Variants in REEP5 observed in about 807,000 individuals in gnomAD.
The protein encoded by REEP5 is receptor accessory protein 5.
A neutral mutation model predicts 22.4 loss-of-function variants in REEP5; 24 were observed. The ratio of observed to expected loss-of-function variants is 1.07; its 90% CI spans 0.78 to 1.51. The LOEUF (loss-of-function observed/expected upper bound fraction) is 1.51. Ranked by LOEUF, REEP5 falls within the 40% of genes most tolerant of loss-of-function variation. REEP5 has a pLI of 0.00. For missense variants in REEP5, 252 were observed against 233.0 expected (o/e 1.08, Z -0.53); for synonymous variants, 103 against 88.6 (o/e 1.16, Z -0.92).
Position 112,878,539 on chromosome 5 carries a change from T to G in REEP5, c.*247A>C. On this transcript the variant is annotated 3_prime_UTR_variant, in exon 5 of 5. Transcript: ENST00000379638. ...CTGCAGGATAGCAACATACATCTTT[T>G]CCTACCCAGAGGCAAAATACATTTT... The G allele has an allele frequency of 2.0e-6, 1 of 499,852 alleles. No homozygotes were observed. Among genetic ancestry groups the G allele is most frequent in the Non-Finnish European group, 3.5e-6 (1 of 286,430 alleles). The allele number at this position is 499,852 out of a possible 1,614,324, so 31.0% of individuals were successfully genotyped here. A position where few individuals can be genotyped will look rare whatever the true frequency, so the allele number is the denominator to read the frequency against.
intron 3 of REEP5, chr5:112,898,057 C>CCAAAAAA (rs1377222332): frequency 6.6e-6 from 1 of 151,934 alleles, no homozygotes; most frequent in Non-Finnish European, 1.5e-5. Flanking sequence ...ACACTCTGTC[C>CCAAAAAA]CAAAAAACAA....
intron 2 of REEP5, among the ~76,000 whole-genome samples, chr5:112,913,813 T>C (rs971214137): frequency 6.6e-6 from 1 of 152,314 alleles, no homozygotes; most frequent in Admixed American, 6.5e-5. Context: ...CTTCAGTTTG[T>C]GGCCTTGATT....
At chr5:112,914,254 G>A (rs1769183166) in intron 2 of REEP5, among the ~76,000 whole-genome samples, 2 of 151,158 alleles carry the variant, frequency 1.3e-5, no homozygotes, top group African/African-American at 4.9e-5. Flanking sequence ...TCCCAAGTGT[G>A]TGTGTGTTTT....
chr5:112,904,417 T>C (rs553594447), intron 2 of REEP5, among the ~76,000 whole-genome samples: 1 of 152,358 alleles, frequency 6.6e-6, no homozygotes, highest in Non-Finnish European at 1.5e-5. Context: ...ATTTGTTTCC[T>C]GTACATTCAT....
At chr5:112,890,710 C>G (rs957356228) in intron 3 of REEP5, among the ~76,000 whole-genome samples, 19 of 150,594 alleles carry the variant, frequency 1.3e-4, no homozygotes, top group Middle Eastern at 3.4e-3. Flanking sequence ...ATACAGATCT[C>G]TCAACCCAAC....
chr5:112,901,962 C>T (rs1249582733), intron 3 of REEP5, among the ~76,000 whole-genome samples: 1 of 84,218 alleles, frequency 1.2e-5, no homozygotes, highest in Non-Finnish European at 2.3e-5. Context: ...GACTCCATCT[C>T]AAAAAAAGAA....
chr5:112,906,067 C>T (rs1269713146), intron 2 of REEP5, among the ~76,000 whole-genome samples: 2 of 152,178 alleles, frequency 1.3e-5, no homozygotes, highest in Non-Finnish European at 2.9e-5. Flanking sequence ...ATTTAGGCAA[C>T]ACAGAGGATT....
At chr5:112,892,793 G>C in intron 3 of REEP5, 1 of 1,613,970 alleles carries the variant, frequency 6.2e-7, no homozygotes, top group Non-Finnish European at 8.5e-7. Flanking sequence ...CAGCGGGGAA[G>C]GAGAAACCCT....
In REEP5 at chr5:112,902,479, G is replaced by A; in HGVS notation, c.252C>T (p.Thr84=). Reference sequence around the variant, plus strand: ...ACACTACCCAGTAGGTCAGCCACTGGGTATCATCTTCTTTGTTGGGACTCT... The same window carrying A: ...ACACTACCCAGTAGGTCAGCCACTGAGTATCATCTTCTTTGTTGGGACTCT... ...AIESPNKEDD[T]QWLTYWVVYG... The change falls in exon 3 of 5, where the codon ACC becomes ACT. Residue 84 remains threonine (T), a synonymous_variant. Coordinates refer to ENST00000379638, the MANE Select transcript of REEP5 (RefSeq NM_005669.5). The A allele has an allele frequency of 1.2e-6, 2 of 1,609,798 alleles. No homozygotes were observed. The highest frequency in any genetic ancestry group is 1.7e-6 in the Non-Finnish European group (2 of 1,178,666).
chr5:112,902,541 G>C (rs1768875501), intron 2 of REEP5, 23 bp from the exon 3 acceptor site: 1 of 1,549,064 alleles, frequency 6.5e-7, no homozygotes, highest in South Asian at 1.2e-5. Context: ...ACAAAAGAAA[G>C]TATATCATTT....
At chr5:112,921,049 C>A in intron 2 of REEP5, 114 bp downstream of exon 2, 1 of 1,023,756 alleles carries the variant, frequency 9.8e-7, no homozygotes, top group Non-Finnish European at 1.5e-6. Flanking sequence ...CCTCATCCCT[C>A]CCCGCCGAGC....
chr5:112,881,697 C>G (rs1768080261), intron 4 of REEP5, among the ~76,000 whole-genome samples: 3 of 152,152 alleles, frequency 2.0e-5, no homozygotes, highest in Non-Finnish European at 4.4e-5. Context: ...ATCCCTGACT[C>G]TTGGGCTACT....
intron 4 of REEP5, 44 bp from the exon 5 acceptor site, chr5:112,878,879 T>C (rs762756519): frequency 1.2e-6 from 2 of 1,613,434 alleles, no homozygotes; most frequent in Non-Finnish European, 1.7e-6. Flanking sequence ...TCAAAGCTCT[T>C]TCTTTGGAAT....
intron 2 of REEP5, among the ~76,000 whole-genome samples, chr5:112,904,636 C>A (rs1768916451): frequency 6.6e-6 from 1 of 152,136 alleles, no homozygotes; most frequent in Non-Finnish European, 1.5e-5. Context: ...TTGGCCACAA[C>A]CCTCGGTAAG....
chr5:112,906,584 T>C (rs1768960289), intron 2 of REEP5, among the ~76,000 whole-genome samples: 1 of 152,206 alleles, frequency 6.6e-6, no homozygotes, highest in African/African-American at 2.4e-5. Context: ...CCCTCCACTC[T>C]ACTCACCTGG....
In REEP5 at chr5:112,887,189, C is replaced by T. The variant is rs1768280882; in HGVS notation, c.352-6G>A. The T allele has an allele frequency of 1.3e-6, 2 of 1,576,216 alleles. No individual in the cohort carries two copies. The highest frequency in any genetic ancestry group is 1.7e-6 in the Non-Finnish European group (2 of 1,154,790). On this transcript the variant is annotated splice_polypyrimidine_tract_variant and splice_region_variant and intron_variant, in intron 3 of 4. Transcript: ENST00000379638. ...CACCACAACAGGAAGCCACACTGCA[C>T]AGAAAAAGAGCCAGCATGGGTAACA...
chr5:112,897,146 G>C (rs1768707208), intron 3 of REEP5: 1 of 151,970 alleles, frequency 6.6e-6, no homozygotes, highest in Non-Finnish European at 1.5e-5. Context: ...AAAAAAGCAA[G>C]ACACAGAATT....
intron 3 of REEP5, chr5:112,897,799 C>A (rs1460860371): frequency 6.6e-6 from 1 of 152,060 alleles, no homozygotes; most frequent in Non-Finnish European, 1.5e-5. Flanking sequence ...TGGCTCACAC[C>A]TGTAATCCCA....
At chr5:112,903,234 A>C (rs1768886984) in intron 2 of REEP5, among the ~76,000 whole-genome samples, 1 of 152,248 alleles carries the variant, frequency 6.6e-6, no homozygotes, top group African/African-American at 2.4e-5. Context: ...TCATTATTCT[A>C]AACCTGAAGC....
Sources: gnomAD v4.1 joint callset for allele counts (sites outside exome capture counted in the v4.1 genomes callset) on GRCh38, gnomAD v4.1.1 for gene constraint, MANE v1.5 for transcripts, NCBI Gene and HGNC (gene_info 2026-07-23, HGNC 2026-07-21) for gene names.